The following DDX46 variants were observed in gnomAD, a reference collection of about 807,000 sequenced individuals.
The protein encoded by DDX46 is probable ATP-dependent RNA helicase DDX46.
A neutral mutation model predicts 134.9 loss-of-function variants in DDX46; 30 were observed. The observed-to-expected ratio is 0.22, with a 90% CI of 0.17 to 0.30. DDX46 has a LOEUF of 0.30. Ranked by LOEUF, DDX46 falls within the 10% of genes least tolerant of loss-of-function variation. The pLI, the probability that DDX46 is intolerant of heterozygous loss-of-function variation, is 1.00. For synonymous variants in DDX46, 415 were observed against 404.1 expected, an observed-to-expected ratio of 1.03 and a Z score of -0.32; for missense variants, 622 against 1,248.7, an observed-to-expected ratio of 0.50 and a Z score of 7.56.
At chr5:134,809,300 C>G (rs1036092875) in intron 16 of DDX46, among the ~76,000 whole-genome samples, 2 of 152,124 alleles carry the variant, frequency 1.3e-5, no homozygotes, top group Admixed American at 6.6e-5. Flanking sequence ...AATGTAAATA[C>G]TTGTAGCCCC....
chr5:134,807,890 T>C lies in DDX46; in HGVS notation c.2097T>C (p.His699=), dbSNP rs1755034480. The change falls in exon 16 of 23, where the codon CAT becomes CAC. Residue 699 remains histidine, a synonymous_variant. Coordinates refer to ENST00000452510, the MANE Select transcript of DDX46 (RefSeq NM_001300860.2). ...ILVVNYSCPN[H]YEDYVHRAGR... ...TAGTAAATTATAGCTGCCCCAACCA[T>C]TATGAGGATTATGTACACAGAGCAG... The C allele has an allele frequency of 6.2e-7, 1 of 1,614,018 alleles. No individual in the cohort carries two copies. The highest frequency in any genetic ancestry group is 8.5e-7 in the Non-Finnish European group (1 of 1,180,026).
intron 22 of DDX46, among the ~76,000 whole-genome samples, chr5:134,828,177 A>T (rs1755640380): frequency 6.6e-6 from 1 of 152,176 alleles, no homozygotes; most frequent in Non-Finnish European, 1.5e-5. Flanking sequence ...CTTTGAAAGG[A>T]AACGTTGTCT....
chr5:134,794,385 A>G (rs1754590790), intron 13 of DDX46, among the ~76,000 whole-genome samples: 1 of 152,364 alleles, frequency 6.6e-6, no homozygotes. Flanking sequence ...AAGTGGTTAC[A>G]TCAGACAGAT....
chr5:134,816,593 T>TCGAGTCTCAGGTATTAAGTAATTTGTTC lies in DDX46; in HGVS notation c.2602_2613+16dup. 3.7e-6 allele frequency: 6 copies of TCGAGTCTCAGGTATTAAGTAATTTGTTC among 1,613,344 alleles called. No individual in the cohort carries two copies. The highest frequency in any genetic ancestry group is 5.1e-6 in the Non-Finnish European group (6 of 1,179,896). On this transcript the variant is annotated frameshift_variant, in exon 19 of 23. Transcript: ENST00000452510. LOFTEE classifies it high-confidence loss of function. ...ATCAATGCCCAGAAGAATTTGGGCA[T>TCGAGTCTCAGGTATTAAGTAATTTGTTC]CGAGTCTCAGGTATTAAGTAATTTG...
chr5:134,773,040 T>C (rs1363177879), intron 4 of DDX46, among the ~76,000 whole-genome samples: 1 of 152,160 alleles, frequency 6.6e-6, no homozygotes, highest in Non-Finnish European at 1.5e-5. Flanking sequence ...CCTCAAGGGA[T>C]CCTCCAGCCT....
At chr5:134,825,877 T>C (rs1271067600) in intron 21 of DDX46, 6 of 152,224 alleles carry the variant, frequency 3.9e-5, no homozygotes, top group African/African-American at 1.4e-4. Flanking sequence ...ATTTCACCCA[T>C]TATCACTGTC....
chr5:134,801,988 T>C (rs1425320393), intron 15 of DDX46, among the ~76,000 whole-genome samples: 3 of 152,114 alleles, frequency 2.0e-5, no homozygotes, highest in Admixed American at 6.5e-5. Flanking sequence ...TGTAAATTTA[T>C]GTCCTGTTCT....
chr5:134,803,307 A>AT lies in DDX46; in HGVS notation c.1955-4430dup, dbSNP rs1376880198. Among the ~76,000 whole-genome samples, 9 of 149,148 alleles carry AT rather than the reference A, an allele frequency of 6.0e-5. No homozygotes were observed. The South Asian group carries it at 6.4e-4, about 11-fold the overall frequency. On this transcript the variant is annotated intron_variant, in intron 15 of 22. Coordinates refer to ENST00000452510, the MANE Select transcript of DDX46 (RefSeq NM_001300860.2). ...CCGAGCCTAGCCCTGAAATCTCTGA[A>AT]TTTTTTTTTTTCATCCCAACTGCTT...
chr5:134,767,085 T>C (rs1326703864), intron 3 of DDX46, 25 bp downstream of exon 3: 30 of 1,595,734 alleles, frequency 1.9e-5, no homozygotes, highest in Non-Finnish European at 2.6e-5. Flanking sequence ...GGGCTGCATC[T>C]ATAGTGCAGA....
At chr5:134,760,959 G>T (rs1580765309) in intron 1 of DDX46, among the ~76,000 whole-genome samples, 1 of 152,078 alleles carries the variant, frequency 6.6e-6, no homozygotes, top group Non-Finnish European at 1.5e-5. Context: ...TCGATCTCCT[G>T]ACCTTGTGAT....
chr5:134,776,259 G>T (rs1459045030), intron 5 of DDX46, among the ~76,000 whole-genome samples: 2 of 151,838 alleles, frequency 1.3e-5, no homozygotes, highest in Non-Finnish European at 2.9e-5. Flanking sequence ...GTGTGGTGGC[G>T]CACACCTGTA....
intron 15 of DDX46, among the ~76,000 whole-genome samples, chr5:134,802,879 A>C (rs1368969517): frequency 6.6e-6 from 1 of 152,164 alleles, no homozygotes; most frequent in East Asian, 1.9e-4. Context: ...TGTCCCCGTC[A>C]AGTGGTGTTT....
chr5:134,815,302 G>A (rs1417538860), intron 18 of DDX46, among the ~76,000 whole-genome samples: 1 of 152,162 alleles, frequency 6.6e-6, no homozygotes, highest in Non-Finnish European at 1.5e-5. Context: ...GTGCATTTGA[G>A]ATCTAGAAGA....
At position 134,770,314 on chromosome 5, in the gene DDX46, G is replaced by T. The variant is rs1030757476; in HGVS notation, c.351-589G>T. On this transcript the variant is annotated intron_variant, in intron 3 of 22. Transcript: ENST00000452510. The stretch of plus-strand genomic sequence containing the variant: ...CAGCCTCGAACTACTGGGCTCAAGT[G>T]ATCGTCTTGTTTCTGCCTCCTCAGT... Among the ~76,000 whole-genome samples, 9 of 151,496 alleles carry T rather than the reference G, an allele frequency of 5.9e-5. No individual in the cohort carries two copies. The South Asian group carries it at 8.4e-4, about 14-fold the overall frequency.
chr5:134,778,951 C>T (rs539515092), intron 6 of DDX46, among the ~76,000 whole-genome samples: 30 of 152,184 alleles, frequency 2.0e-4, no homozygotes, highest in Admixed American at 4.6e-4. Context: ...GGCTAGAATG[C>T]AGTGGTGTAA....
chr5:134,804,985 A>C, intron 15 of DDX46: 1 of 380,472 alleles, frequency 2.6e-6, no homozygotes, highest in South Asian at 2.3e-5. Context: ...CTGCATGGGC[A>C]CATGCCACCT....
chr5:134,817,544 C>G lies in DDX46; in HGVS notation c.2662C>G (p.Leu888Val), dbSNP rs1755317131. 1 of 1,614,126 alleles carries G rather than the reference C, an allele frequency of 6.2e-7. No individual in the cohort carries two copies. Among genetic ancestry groups the G allele is most frequent in the Non-Finnish European group, 8.5e-7 (1 of 1,180,028 alleles). ...TGCAATTCTTAGGGGTGGCACCATT[C>G]TGGCTCCCACTGTTTCTGCAAAAAC... Reference protein sequence around the residue: ...TNAILRGGTILAPTVSAKTIA... With the variant: ...TNAILRGGTIVAPTVSAKTIA... Residue 888 changes from leucine to valine, a missense_variant, in exon 20 of 23, where the codon CTG becomes GTG. Leu to Val is a conservative substitution (Grantham distance 32, BLOSUM62 1). Around this residue, in one of 8 missense-constraint regions of DDX46, gnomAD observed 76 missense variants for 213.0 expected, o/e 0.36. Coordinates refer to ENST00000452510, the MANE Select transcript of DDX46 (RefSeq NM_001300860.2).
intron 18 of DDX46, 101 bp downstream of exon 18, chr5:134,811,946 C>G: frequency 7.0e-7 from 1 of 1,418,442 alleles, no homozygotes; most frequent in Non-Finnish European, 9.3e-7. Flanking sequence ...CACTGGAAAC[C>G]TTTACAAGAG....
At chr5:134,800,918 C>T (rs970126238) in intron 15 of DDX46, among the ~76,000 whole-genome samples, 4 of 152,228 alleles carry the variant, frequency 2.6e-5, no homozygotes, top group Admixed American at 2.0e-4. Flanking sequence ...TCAGGTGATC[C>T]ACCTGCCTCA....
Sources: gnomAD v4.1 joint callset for allele counts (sites outside exome capture counted in the v4.1 genomes callset) on GRCh38, gnomAD v4.1.1 for gene constraint, gnomAD v4.1.1 regional missense constraint, MANE v1.5 for transcripts, NCBI Gene and HGNC (gene_info 2026-07-23, HGNC 2026-07-21) for gene names.